The following BCAS3 variants were observed in gnomAD, a reference collection of about 807,000 sequenced individuals.
The protein encoded by BCAS3 is BCAS4/BCAS3 fusion.
Under a neutral mutation model 116.1 loss-of-function variants are expected in BCAS3, and 53 were observed. The ratio of observed to expected loss-of-function variants is 0.46; its 90% confidence interval spans 0.37 to 0.57. The LOEUF (loss-of-function observed/expected upper bound fraction) is 0.57. Ranked by LOEUF, BCAS3 falls within the 20% of genes least tolerant of loss-of-function variation. The pLI is 0.00. For synonymous variants in BCAS3, 391 were observed against 408.2 expected, an observed-to-expected ratio of 0.96 and a Z score of 0.51; for missense variants, 917 against 1,165.4, an observed-to-expected ratio of 0.79 and a Z score of 3.10.
At chr17:60,688,260 G>C (rs542463815) in intron 3 of BCAS3, 1 of 152,064 alleles carries the variant, frequency 6.6e-6, no homozygotes, top group Non-Finnish European at 1.5e-5. Context: ...TTGTAGTTTC[G>C]AGAAATGCAA....
chr17:60,998,319 TG>T (rs1296800485), intron 15 of BCAS3, among the ~76,000 whole-genome samples: 3 of 152,266 alleles, frequency 2.0e-5, no homozygotes, highest in African/African-American at 4.8e-5. Context: ...TAAGTGCATG[TG>T]TTTTTTTTGT....
intron 7 of BCAS3, among the ~76,000 whole-genome samples, chr17:60,831,916 GAAGAA>G (rs2050975374): frequency 6.6e-6 from 1 of 151,972 alleles, no homozygotes; most frequent in South Asian, 2.1e-4. Context: ...GAAAAATTCA[GAAGAA>G]AACATTCTGA....
At chr17:60,912,438 A>G (rs1277137992) in intron 12 of BCAS3, among the ~76,000 whole-genome samples, 1 of 152,136 alleles carries the variant, frequency 6.6e-6, no homozygotes, top group Non-Finnish European at 1.5e-5. Context: ...TAGTTCCTAT[A>G]GTAAGATTAA....
intron 22 of BCAS3, among the ~76,000 whole-genome samples, chr17:61,308,840 C>G (rs750782166): frequency 6.6e-6 from 1 of 152,174 alleles, no homozygotes; most frequent in South Asian, 2.1e-4. Context: ...ATAACAGAAA[C>G]ATTCACCTTC....
At chr17:61,086,924 A>G in intron 22 of BCAS3, 1 of 985,416 alleles carries the variant, frequency 1.0e-6, no homozygotes, top group Non-Finnish European at 1.2e-6. Context: ...TTGTCGTGGA[A>G]TGTCCATCTA....
rs1026245617 is a variant in BCAS3 at position 61,229,500 on chromosome 17, T to C, written c.2426-138827T>C. Among the ~76,000 whole-genome samples, 8 of 152,172 alleles carry C rather than the reference T, an allele frequency of 5.3e-5. No individual in the cohort carries two copies. The highest frequency in any genetic ancestry group is 1.7e-4 in the African/African-American group (7 of 41,430). ...AGATGCCATCTAGGACTTTCATAGC[T>C]AGAGAGGAGGAGTCAGTGCCTGGCT... On this transcript the variant is annotated intron_variant, in intron 22 of 23. Coordinates refer to ENST00000407086, the MANE Select transcript of BCAS3 (RefSeq NM_017679.5). This position sits in a 1 kb window ranked among gnomAD's most constrained non-coding sequence, Gnocchi z 4.4.
At chr17:60,988,338 CTTTTTTTTTT>C (rs71148317) in intron 14 of BCAS3, among the ~76,000 whole-genome samples, 4 of 66,784 alleles carry the variant, frequency 6.0e-5, no homozygotes, top group African/African-American at 2.0e-4. Context: ...TTTTCTTTTT[CTTTTTTTTTT>C]TTTTTTTTTT....
chr17:61,252,170 G>T (rs73993407), intron 22 of BCAS3, among the ~76,000 whole-genome samples: 1 of 152,084 alleles, frequency 6.6e-6, no homozygotes, highest in Non-Finnish European at 1.5e-5. Context: ...CATTAATAAC[G>T]TTTTGTTTAG....
chr17:61,172,498 T>G (rs1002014835), intron 22 of BCAS3, among the ~76,000 whole-genome samples: 3 of 149,712 alleles, frequency 2.0e-5, no homozygotes, highest in African/African-American at 7.4e-5. Context: ...TTAGCCGGGC[T>G]TAGTGGCTGG....
intron 21 of BCAS3, among the ~76,000 whole-genome samples, chr17:61,079,151 CTT>C (rs1198246735): frequency 6.6e-6 from 1 of 151,712 alleles, no homozygotes; most frequent in Non-Finnish European, 1.5e-5. Flanking sequence ...TATACCAAGA[CTT>C]GACACATTAG....
chr17:61,351,107 T>C (rs570647448), intron 22 of BCAS3, among the ~76,000 whole-genome samples: 14 of 152,348 alleles, frequency 9.2e-5, no homozygotes, highest in Middle Eastern at 3.4e-3. Context: ...TAAACAATTA[T>C]TGGGCACCTG....
intron 22 of BCAS3, among the ~76,000 whole-genome samples, chr17:61,303,706 G>A (rs1157397954): frequency 1.3e-5 from 2 of 152,172 alleles, no homozygotes; most frequent in Admixed American, 6.5e-5. Flanking sequence ...TTGAGTCAGA[G>A]TTGATATTTC....
At chr17:60,948,566 A>G (rs997311154) in intron 14 of BCAS3, among the ~76,000 whole-genome samples, 1 of 152,216 alleles carries the variant, frequency 6.6e-6, no homozygotes, top group Non-Finnish European at 1.5e-5. Context: ...CAAGATAGCC[A>G]TTTGACCCTA....
intron 4 of BCAS3, among the ~76,000 whole-genome samples, chr17:60,703,688 G>A (rs972686493): frequency 5.9e-5 from 9 of 152,122 alleles, no homozygotes; most frequent in Non-Finnish European, 8.8e-5. Context: ...GCCGAGGCGG[G>A]TGGATCACGA....
chr17:60,703,102 C>T (rs1223330117), intron 4 of BCAS3, among the ~76,000 whole-genome samples: 1 of 151,124 alleles, frequency 6.6e-6, no homozygotes, highest in African/African-American at 2.4e-5. Flanking sequence ...TGGTGAAACA[C>T]CGTCTATACT....
At chr17:60,790,590 C>A (rs554534023) in intron 6 of BCAS3, among the ~76,000 whole-genome samples, 2 of 152,158 alleles carry the variant, frequency 1.3e-5, no homozygotes, top group Non-Finnish European at 2.9e-5. Context: ...ACACCATGTA[C>A]AGTAAATTAT....
At chr17:60,844,094 C>T (rs952558247) in intron 7 of BCAS3, among the ~76,000 whole-genome samples, 5 of 152,100 alleles carry the variant, frequency 3.3e-5, no homozygotes, top group South Asian at 2.1e-4. Flanking sequence ...CTCAGCCTCC[C>T]GAGTAGCTGG....
rs998821802 is a variant in BCAS3 at position 61,198,901 on chromosome 17, A to G, written c.2425+114337A>G. On this transcript the variant is annotated intron_variant, in intron 22 of 23. Coordinates refer to ENST00000407086, the MANE Select transcript of BCAS3 (RefSeq NM_017679.5). The surrounding 1 kb of genome is among the most constrained non-coding windows in gnomAD (Gnocchi z 5.0). Reference sequence around the variant, plus strand: ...AAAGGTACATGTTTCTAAAGCTTTTAAGATAATGATACTTAGAAATCACTG... The same window carrying G: ...AAAGGTACATGTTTCTAAAGCTTTTGAGATAATGATACTTAGAAATCACTG... Among the ~76,000 whole-genome samples, 8 of 152,236 alleles carry G rather than the reference A, an allele frequency of 5.3e-5. No homozygotes were observed. Among genetic ancestry groups the G allele is most frequent in the Admixed American group, 5.2e-4 (8 of 15,282 alleles).
At chr17:60,731,825 C>T (rs565693317) in intron 5 of BCAS3, among the ~76,000 whole-genome samples, 1 of 146,874 alleles carries the variant, frequency 6.8e-6, no homozygotes, top group Admixed American at 6.8e-5. Context: ...GTCGCCCAGG[C>T]TGGAGTGCAG....
Sources: allele counts gnomAD v4.1 joint callset (sites outside exome capture counted in the v4.1 genomes callset), GRCh38; gene constraint gnomAD v4.1.1; non-coding constraint Gnocchi (gnomAD v3.1); transcripts MANE v1.5; gene names NCBI Gene and HGNC (gene_info 2026-07-23, HGNC 2026-07-21).